The following FAM120C variants were observed in gnomAD, a reference collection of about 807,000 sequenced individuals.
FAM120C encodes the protein constitutive coactivator of PPAR-gamma-like protein 2.
A neutral mutation model predicts 71.2 loss-of-function variants in FAM120C; 14 were observed. That is an observed-to-expected ratio of 0.20 (90% CI 0.13 to 0.31). The LOEUF (loss-of-function observed/expected upper bound fraction) is 0.31. Ranked by LOEUF, FAM120C falls within the 10% of genes least tolerant of loss-of-function variation. The pLI, the probability that FAM120C is intolerant of heterozygous loss-of-function variation, is 1.00. For missense variants in FAM120C, 500 were observed against 879.0 expected, an observed-to-expected ratio of 0.57 and a Z score of 5.45; for synonymous variants, 354 against 353.2, an observed-to-expected ratio of 1.00 and a Z score of -0.03.
intron 12 of FAM120C, 146 bp from the exon 13 acceptor site, chrX:54,086,062 T>C (rs1042572782): frequency 2.6e-5 from 13 of 493,692 alleles, no homozygotes; most frequent in Non-Finnish European, 4.4e-5. Flanking sequence ...GGCTCAAAGC[T>C]ACACACTCAG....
At chrX:54,127,516 G>A (rs980706726) in intron 9 of FAM120C, among the ~76,000 whole-genome samples, 15 of 103,386 alleles carry the variant, frequency 1.5e-4, no homozygotes, top group Admixed American at 2.1e-4. Flanking sequence ...GTGTGAACCC[G>A]GGAGGTGGAG....
chrX:54,170,352 C>T (rs1053273187), intron 1 of FAM120C, among the ~76,000 whole-genome samples: 4 of 110,648 alleles, frequency 3.6e-5, no homozygotes, highest in African/African-American at 1.3e-4. Flanking sequence ...AGGCTGGTCT[C>T]GAACTCCTGA....
In FAM120C at chrX:54,159,590, A is replaced by G; in HGVS notation, c.726T>C (p.His242=). ...CCCTGAAAAACGCCACCACTTCCAAATGGTGGTCTTCAAGGCTCTGAAAGA... is the reference window on the plus strand; with the variant it reads ...CCCTGAAAAACGCCACCACTTCCAAGTGGTGGTCTTCAAGGCTCTGAAAGA... The part of the protein sequence containing the change: ...VKVFQSLEDH[H]LEVVAFFREN... Residue 242 remains histidine, a synonymous_variant, in exon 2 of 16, where the codon CAT becomes CAC. Transcript: ENST00000375180. 8.3e-7 allele frequency: 1 copy of G among 1,210,427 alleles called. No homozygotes were observed. The highest frequency in any genetic ancestry group is 1.1e-6 in the Non-Finnish European group (1 of 894,827).
chrX:54,144,023 A>G (rs1309764119), intron 4 of FAM120C, among the ~76,000 whole-genome samples: 1 of 112,099 alleles, frequency 8.9e-6, no homozygotes, highest in Non-Finnish European at 1.9e-5. Flanking sequence ...GCAAATCAAT[A>G]AACGCAATCC....
chrX:54,169,251 T>C (rs908280827), intron 1 of FAM120C, among the ~76,000 whole-genome samples: 11 of 110,595 alleles, frequency 9.9e-5, no homozygotes, highest in African/African-American at 3.0e-4. Context: ...TGAGCCGAGA[T>C]CATGCACTGC....
At chrX:54,118,682 T>A (rs1254649182) in intron 9 of FAM120C, among the ~76,000 whole-genome samples, 2 of 100,826 alleles carry the variant, frequency 2.0e-5, no homozygotes, top group African/African-American at 3.7e-5. Flanking sequence ...GGTTTTAATT[T>A]GTATTTTTCT....
chrX:54,080,248 T>C lies in FAM120C; in HGVS notation c.3020A>G (p.Lys1007Arg), dbSNP rs797036942. Reference sequence around the variant, plus strand: ...AATACTTACTTGCTTATTTCCTTTTTTGTGTCCCTTGGATCCTCTACCAGT... The same window carrying C: ...AATACTTACTTGCTTATTTCCTTTTCTGTGTCCCTTGGATCCTCTACCAGT... ...EQTGRGSKGH[K>R]KGNKQGSSDG... is the part of the protein sequence containing the mutation. Residue 1007 changes from lysine to arginine, a missense_variant, in exon 15 of 16, where the codon AAA (lysine) becomes AGA (arginine). Coordinates refer to ENST00000375180, the MANE Select transcript of FAM120C (RefSeq NM_017848.6). 1 of 1,209,264 alleles carries C rather than the reference T, an allele frequency of 8.3e-7. No individual in the cohort carries two copies. The highest frequency in any genetic ancestry group is 1.8e-5 in the South Asian group (1 of 56,705).
At chrX:54,159,761 C>CTTTTT in intron 1 of FAM120C, 145 bp from the exon 2 acceptor site, 1 of 348,111 alleles carries the variant, frequency 2.9e-6, no homozygotes. Context: ...ACATTTTTTA[C>CTTTTT]TTTTTTTTTT....
intron 10 of FAM120C, among the ~76,000 whole-genome samples, chrX:54,103,192 A>T (rs1476467182): frequency 3.6e-5 from 4 of 111,458 alleles, no homozygotes; most frequent in Non-Finnish European, 7.5e-5. Flanking sequence ...CTTATCTATA[A>T]ACATGGGGTA....
intron 4 of FAM120C, among the ~76,000 whole-genome samples, chrX:54,142,128 C>A: frequency 8.9e-6 from 1 of 111,864 alleles, no homozygotes; most frequent in South Asian, 3.7e-4. Flanking sequence ...TCCAAGATGG[C>A]CAAATAGGAA....
At chrX:54,180,872 G>C (rs1053631400) in intron 1 of FAM120C, among the ~76,000 whole-genome samples, 1 of 111,190 alleles carries the variant, frequency 9.0e-6, no homozygotes. Flanking sequence ...CATCAATGTG[G>C]TCACTATTGC....
At chrX:54,142,746 C>T (rs868977914) in intron 4 of FAM120C, among the ~76,000 whole-genome samples, 13 of 111,820 alleles carry the variant, frequency 1.2e-4, no homozygotes, top group Middle Eastern at 9.3e-3. Context: ...AGTAGTGGTT[C>T]CCCCAGCACA....
intron 4 of FAM120C, among the ~76,000 whole-genome samples, chrX:54,146,822 T>C (rs1338532387): frequency 8.9e-6 from 1 of 111,921 alleles, no homozygotes; most frequent in African/African-American, 3.2e-5. Context: ...AGTCCAGAAG[T>C]AGACCCACAC....
At chrX:54,081,749 G>C (rs1246371177) in intron 13 of FAM120C, among the ~76,000 whole-genome samples, 10 of 100,769 alleles carry the variant, frequency 9.9e-5, no homozygotes, top group Non-Finnish European at 1.8e-4. Context: ...ACTCCAGCCT[G>C]GGTGACAGAA....
chrX:54,132,705 C>A lies in FAM120C; in HGVS notation c.2049G>T (p.Arg683=). 1.7e-6 allele frequency: 2 copies of A among 1,202,697 alleles called. No individual in the cohort carries two copies. Among genetic ancestry groups the A allele is most frequent in the Non-Finnish European group, 2.2e-6 (2 of 891,421 alleles). The change falls in exon 9 of 16, where the codon CGG becomes CGT. Residue 683 remains arginine, a synonymous_variant. Transcript: ENST00000375180. ...AACTACACTTACCTTCCACAGGCAG[C>A]CGCCGTCGCATGGCCAAGCGTTCCA... ...RKMERLAMRR[R]LPVEVPSVIL...
intron 1 of FAM120C, chrX:54,171,754 G>C (rs782255587): frequency 6.2e-5 from 7 of 112,043 alleles, no homozygotes; most frequent in Admixed American, 4.8e-4. Flanking sequence ...GTTTGGCATA[G>C]TGTTTTTTAT....
chrX:54,098,997 T>C lies in FAM120C; in HGVS notation c.2313-7571A>G, dbSNP rs1420559150. 3.0e-5 allele frequency among the ~76,000 whole-genome samples: 3 copies of C among 100,324 alleles called. No homozygotes were observed. The East Asian group carries it at 9.6e-4, about 32-fold the overall frequency. 87.1% of individuals were successfully genotyped at this position (100,324 alleles called of 115,157 possible). A position where few individuals can be genotyped will look rare whatever the true frequency, so the allele number is the denominator to read the frequency against. On this transcript the variant is annotated intron_variant, in intron 10 of 15. Transcript: ENST00000375180. ...AAAAAATTGATTTATTCATCATTTA[T>C]TGCTTTACTTGTAGGCTTTTTTTTT...
Position 54,152,329 on chromosome X carries a change from T to C in FAM120C, c.1030-956A>G, listed in dbSNP as rs181505545. ...GTAGGGATTGTCTAGAAAACAATTA[T>C]GTGCACACATGTGCAGTTCCTGAGT... On this transcript the variant is annotated intron_variant, in intron 3 of 15. Transcript: ENST00000375180. Among the ~76,000 whole-genome samples the C allele has an allele frequency of 7.7e-4, 86 of 111,808 alleles. 1 individual carries two copies. Among genetic ancestry groups the C allele is most frequent in the African/African-American group, 2.7e-3 (84 of 30,853 alleles).
chrX:54,146,683 A>C (rs1244358902), intron 4 of FAM120C, among the ~76,000 whole-genome samples: 1 of 110,994 alleles, frequency 9.0e-6, no homozygotes, highest in African/African-American at 3.3e-5. Flanking sequence ...TCTGTCTCTA[A>C]ATGAATGAAT....
Sources: allele counts gnomAD v4.1 joint callset (sites outside exome capture counted in the v4.1 genomes callset), GRCh38; gene constraint gnomAD v4.1.1; transcripts MANE v1.5; gene names NCBI Gene and HGNC (gene_info 2026-07-23, HGNC 2026-07-21).